DIAPH1: variants seen among roughly 807,000 people sequenced by gnomAD.
The protein encoded by DIAPH1 is protein diaphanous homolog 1.
In DIAPH1, 46 loss-of-function variants were observed where a neutral mutation model predicts 140.7. That is an observed-to-expected ratio of 0.33 (90% CI 0.26 to 0.42). DIAPH1 has a LOEUF of 0.42. DIAPH1 is among the 10% of genes least tolerant of loss of function. The pLI, the probability that DIAPH1 is intolerant of heterozygous loss-of-function variation, is 1.00. For synonymous variants in DIAPH1, 565 were observed against 551.6 expected (o/e 1.02, Z -0.34); for missense variants, 1,310 against 1,558.7 (o/e 0.84, Z 2.69).
At chr5:141,518,881 T>C in intron 27 of DIAPH1, 1 of 1,494,818 alleles carries the variant, frequency 6.7e-7, no homozygotes, top group Non-Finnish European at 9.1e-7. Context: ...GAGCTACTGT[T>C]TTCATCCCAG....
intron 18 of DIAPH1, 127 bp downstream of exon 18, chr5:141,571,301 C>T (rs544986043): frequency 8.9e-6 from 7 of 788,390 alleles, no homozygotes; most frequent in Middle Eastern, 2.9e-4. Context: ...ACAAAAAACA[C>T]CTAGCAAAGA....
intron 19 of DIAPH1, among the ~76,000 whole-genome samples, chr5:141,532,154 C>T (rs903271450): frequency 6.6e-6 from 1 of 152,066 alleles, no homozygotes; most frequent in African/African-American, 2.4e-5. Flanking sequence ...ACAAGCCAAC[C>T]TTCCCGCCTT....
chr5:141,534,229 T>C lies in DIAPH1; in HGVS notation c.2581+106A>G, dbSNP rs74567974. On this transcript the variant is annotated intron_variant, in intron 19 of 27. Transcript: ENST00000389054. Reference sequence around the variant, plus strand: ...TGCAATGGTTGGTATATAGCAGGAATTGAACAATTAAAGTTCCATATCAAG... The same window carrying C: ...TGCAATGGTTGGTATATAGCAGGAACTGAACAATTAAAGTTCCATATCAAG... 2,575 of 887,952 alleles carry C rather than the reference T, an allele frequency of 2.9e-3. 54 individuals carry two copies. The African/African-American group carries it at 0.037, about 13-fold the overall frequency. 55.0% of individuals were successfully genotyped at this position (887,952 alleles called of 1,614,324 possible). A position where few individuals can be genotyped will look rare whatever the true frequency, so the allele number is the denominator to read the frequency against.
At chr5:141,591,695 G>GAT (rs56117502) in intron 1 of DIAPH1, among the ~76,000 whole-genome samples, 7,534 of 85,780 alleles carry the variant, frequency 0.088, 680 homozygotes, top group East Asian at 0.21. Flanking sequence ...GGGAGATGGG[G>GAT]ATATATATAT....
intron 18 of DIAPH1, among the ~76,000 whole-genome samples, chr5:141,548,134 G>C (rs2099891103): frequency 6.6e-6 from 1 of 152,102 alleles, no homozygotes; most frequent in Admixed American, 6.5e-5. Context: ...GGGAGCTCAA[G>C]GCTACCATGA....
At position 141,523,467 on chromosome 5, in the gene DIAPH1, T is replaced by C. The variant is rs556616972; in HGVS notation, c.3661+676A>G. Among the ~76,000 whole-genome samples the C allele has an allele frequency of 6.6e-5, 10 of 152,312 alleles. No individual in the cohort carries two copies. The East Asian group carries it at 7.8e-4, about 12-fold the overall frequency. On this transcript the variant is annotated intron_variant, in intron 27 of 27. Coordinates refer to ENST00000389054, the MANE Select transcript of DIAPH1 (RefSeq NM_005219.5). ...TTTCCCATACTAATGCCTGGATCACTTGTCCTAGCTCCATAATTCTTTTTA... is the reference window on the plus strand; with the variant it reads ...TTTCCCATACTAATGCCTGGATCACCTGTCCTAGCTCCATAATTCTTTTTA...
chr5:141,523,995 G>T, intron 27 of DIAPH1, 148 bp downstream of exon 27: 1 of 758,416 alleles, frequency 1.3e-6, no homozygotes. Context: ...CTGTAACATG[G>T]GAAGAAGAGG....
intron 18 of DIAPH1, among the ~76,000 whole-genome samples, chr5:141,545,282 T>C (rs2099890614): frequency 6.6e-6 from 1 of 152,190 alleles, no homozygotes. Flanking sequence ...ATATATAAAT[T>C]ATATCTCAGC....
rs368579548 is a variant in DIAPH1 at position 141,595,057 on chromosome 5, G to A, written c.118-6807C>T. On this transcript the variant is annotated intron_variant, in intron 1 of 27. Coordinates refer to ENST00000389054, the MANE Select transcript of DIAPH1 (RefSeq NM_005219.5). Reference sequence around the variant, plus strand: ...ACTCCATCTCAAAAAAAAAAAAAAAGAAAGAAAAAAGGAAAAGGCTACATA... The same window carrying A: ...ACTCCATCTCAAAAAAAAAAAAAAAAAAAGAAAAAAGGAAAAGGCTACATA... Among the ~76,000 whole-genome samples, 993 of 148,372 alleles carry A rather than the reference G, an allele frequency of 6.7e-3. 17 individuals are homozygous for A. Among genetic ancestry groups the A allele is most frequent in the African/African-American group, 0.023 (940 of 40,370 alleles).
At position 141,587,211 on chromosome 5, in the gene DIAPH1, A is replaced by G. The variant is rs1340933574; in HGVS notation, c.145-14T>C. The stretch of plus-strand genomic sequence containing the variant: ...AAATCTCTCCAGCTGAGAAACAGAA[A>G]AAAGCATTAGCAGTGATCCATTTTC... On this transcript the variant is annotated splice_polypyrimidine_tract_variant and intron_variant, in intron 2 of 27. Coordinates refer to ENST00000389054, the MANE Select transcript of DIAPH1 (RefSeq NM_005219.5). 1.2e-6 allele frequency: 2 copies of G among 1,613,546 alleles called. No individual in the cohort carries two copies. Among genetic ancestry groups the G allele is most frequent in the Admixed American group, 3.3e-5 (2 of 60,008 alleles).
At chr5:141,563,008 C>T (rs1405473991) in intron 18 of DIAPH1, 1 of 152,176 alleles carries the variant, frequency 6.6e-6, no homozygotes, top group Non-Finnish European at 1.5e-5. Context: ...CAAGCTTGAA[C>T]AAAAGTTATG....
intron 18 of DIAPH1, among the ~76,000 whole-genome samples, chr5:141,552,381 C>T (rs1039282980): frequency 1.1e-4 from 16 of 152,040 alleles, no homozygotes; most frequent in Admixed American, 9.2e-4. Flanking sequence ...GAAGGAGATA[C>T]GAGGACCAGA....
At chr5:141,586,894 T>C (rs1002097179) in intron 3 of DIAPH1, 148 bp downstream of exon 3, 3 of 800,116 alleles carry the variant, frequency 3.7e-6, no homozygotes, top group East Asian at 2.6e-5. Context: ...TCCCTAATTA[T>C]GGGATTAAAG....
Position 141,582,340 on chromosome 5 carries a change from C to T in DIAPH1, c.656G>A (p.Arg219His). 1.2e-6 allele frequency: 2 copies of T among 1,613,884 alleles called. No individual in the cohort carries two copies. The highest frequency in any genetic ancestry group is 1.7e-6 in the Non-Finnish European group (2 of 1,179,872). The change falls in exon 7 of 28, where the codon CGC (arginine) becomes CAC (histidine). Residue 219 changes from arginine to histidine, a missense_variant. By Grantham distance (29) the Arg-to-His change is conservative. Coordinates refer to ENST00000389054, the MANE Select transcript of DIAPH1 (RefSeq NM_005219.5). ...GTTGTTCATAAAAGCTTTCAAGCAG[C>T]GAATGATCTCATGCTTGTTCCGGCT... Reference protein sequence around the residue: ...YDSRNKHEIIRCLKAFMNNKF... With the variant: ...YDSRNKHEIIHCLKAFMNNKF...
intron 23 of DIAPH1, 94 bp from the exon 24 acceptor site, chr5:141,527,791 A>G: frequency 1.4e-6 from 2 of 1,412,128 alleles, no homozygotes; most frequent in Non-Finnish European, 1.9e-6. Context: ...CACCTTTCAG[A>G]GCATAGCTTC....
intron 18 of DIAPH1, among the ~76,000 whole-genome samples, chr5:141,567,951 A>C (rs913326900): frequency 1.3e-5 from 2 of 152,204 alleles, no homozygotes; most frequent in Non-Finnish European, 2.9e-5. Flanking sequence ...TTTTAGCCAG[A>C]GTTTTTTCTA....
intron 1 of DIAPH1, among the ~76,000 whole-genome samples, chr5:141,608,815 A>C (rs2099901351): frequency 6.6e-6 from 1 of 152,236 alleles, no homozygotes; most frequent in African/African-American, 2.4e-5. Flanking sequence ...GTCAAATTTC[A>C]GGAGCACAAA....
intron 11 of DIAPH1, 200 bp downstream of exon 11, chr5:141,578,025 A>C (rs2099896212): frequency 3.1e-6 from 2 of 641,374 alleles, no homozygotes; most frequent in Admixed American, 2.3e-5. Context: ...CCCTCAGATC[A>C]CCTTTACTGA....
At chr5:141,574,892 G>A in intron 15 of DIAPH1, 75 bp downstream of exon 15, 1 of 1,532,118 alleles carries the variant, frequency 6.5e-7, no homozygotes, top group Non-Finnish European at 9.0e-7. Context: ...CTAGGAGCGA[G>A]ATGACTGACT....
Sources: allele counts gnomAD v4.1 joint callset (sites outside exome capture counted in the v4.1 genomes callset), GRCh38; gene constraint gnomAD v4.1.1; transcripts MANE v1.5; gene names NCBI Gene and HGNC (gene_info 2026-07-23, HGNC 2026-07-21).